THADA: variants seen among roughly 807,000 people sequenced by gnomAD.
The protein encoded by THADA is tRNA (32-2'-O)-methyltransferase regulator THADA.
In THADA, 213 loss-of-function variants were observed where a neutral mutation model predicts 219.8. That is an observed-to-expected ratio of 0.97 (90% CI 0.87 to 1.09). The LOEUF is 1.09. Among genes scored for constraint, THADA ranks in the 50% least tolerant of loss-of-function variants. THADA has a pLI of 0.00. For synonymous variants in THADA, 1,018 were observed against 828.9 expected (o/e 1.23, Z -3.92); for missense variants, 2,956 against 2,311.3 (o/e 1.28, Z -5.72).
chr2:43,587,830 C>A (rs1701172034), intron 4 of THADA, among the ~76,000 whole-genome samples: 1 of 152,104 alleles, frequency 6.6e-6, no homozygotes. Context: ...TAGAAGAGTG[C>A]TGAAACACAG....
intron 26 of THADA, among the ~76,000 whole-genome samples, chr2:43,474,493 T>C (rs957278186): frequency 1.3e-5 from 2 of 152,224 alleles, no homozygotes; most frequent in Admixed American, 6.5e-5. Context: ...ATTTCGACCA[T>C]ATTTTATAAA....
chr2:43,232,984 G>T lies in THADA; in HGVS notation c.5297-102C>A, dbSNP rs1379954959. ...AACAATAAAGGCCTCAGGTAAAATC[G>T]CTGCCACCAGCCTGGCAGGGAAGCT... On this transcript the variant is annotated intron_variant, in intron 36 of 37. Transcript: ENST00000405975. The T allele has an allele frequency of 2.7e-5, 34 of 1,262,670 alleles. No individual in the cohort carries two copies. In the East Asian group the frequency reaches 7.7e-4, roughly 29 times the overall value. 78.2% of individuals were successfully genotyped at this position (1,262,670 alleles called of 1,614,324 possible).
intron 24 of THADA, among the ~76,000 whole-genome samples, chr2:43,504,306 G>A (rs1689384107): frequency 6.6e-6 from 1 of 152,080 alleles, no homozygotes; most frequent in African/African-American, 2.4e-5. Context: ...GCCACTATGT[G>A]CCATATGACT....
intron 31 of THADA, among the ~76,000 whole-genome samples, chr2:43,313,652 T>C (rs1677757975): frequency 6.6e-6 from 1 of 152,022 alleles, no homozygotes; most frequent in South Asian, 2.1e-4. Context: ...CCACACACCC[T>C]CAGGATGGGA....
In THADA at chr2:43,508,768, C is replaced by T; in HGVS notation, c.3387G>A (p.Val1129=). The T allele has an allele frequency of 3.1e-6, 5 of 1,613,274 alleles. No homozygotes were observed. The highest frequency in any genetic ancestry group is 1.6e-4 in the Middle Eastern group (1 of 6,062). ...ACTGTTCTGGCAGCTTTTGCAGACT[C>T]ACATTTGGGCACCTAAAAGGCATAT... ...LTEVLNRCPN[V]SLQKLPEQWL... The change falls in exon 23 of 38, where the codon GTG becomes GTA. Residue 1129 remains valine (V), a synonymous_variant. Transcript: ENST00000405975.
intron 23 of THADA, among the ~76,000 whole-genome samples, chr2:43,506,685 CTG>C (rs941866210): frequency 6.6e-6 from 1 of 152,122 alleles, no homozygotes; most frequent in African/African-American, 2.4e-5. Flanking sequence ...CTGAAAACCA[CTG>C]AATTGTACAC....
rs571618129 is a variant in THADA, at chr2:43,478,192, TAA to T, written c.3836+7040_3836+7041del. On this transcript the variant is annotated intron_variant, in intron 26 of 37. Coordinates refer to ENST00000405975, the MANE Select transcript of THADA (RefSeq NM_022065.5). ...CATAAGGAGTATTCAATGAAAAAAT[TAA>T]GAGTATATTTTATTTAAAAGTTCAA... 3.7e-3 allele frequency among the ~76,000 whole-genome samples: 571 copies of T among 152,272 alleles called. 1 individual carries two copies. Among genetic ancestry groups the T allele is most frequent in the African/African-American group, 0.013 (541 of 41,556 alleles).
At chr2:43,514,612 T>C (rs1326292962) in intron 22 of THADA, among the ~76,000 whole-genome samples, 1 of 91,266 alleles carries the variant, frequency 1.1e-5, no homozygotes, top group Non-Finnish European at 2.0e-5. Flanking sequence ...ATATATATTT[T>C]ATATATTTTA....
Position 43,587,057 on chromosome 2 carries a change from T to G in THADA, c.303-55A>C, listed in dbSNP as rs1290199779. The G allele has an allele frequency of 2.0e-6, 3 of 1,533,062 alleles. No individual in the cohort carries two copies. In the Admixed American group the frequency reaches 5.5e-5, roughly 28 times the overall value. 95.0% of individuals were successfully genotyped at this position (1,533,062 alleles called of 1,614,324 possible). A position where few individuals can be genotyped will look rare whatever the true frequency, so the allele number is the denominator to read the frequency against. The stretch of plus-strand genomic sequence containing the variant: ...GACAATCTAATAGCCCCAGAATATG[T>G]GGAGAGGGAAGAGAATCATACAAAT... On this transcript the variant is annotated intron_variant, in intron 4 of 37. Coordinates refer to ENST00000405975, the MANE Select transcript of THADA (RefSeq NM_022065.5).
At chr2:43,561,218 T>G (rs1698033818) in intron 15 of THADA, among the ~76,000 whole-genome samples, 1 of 152,094 alleles carries the variant, frequency 6.6e-6, no homozygotes. Context: ...TATAACAACA[T>G]GTAGTGCTAA....
intron 23 of THADA, 70 bp from the exon 24 acceptor site, chr2:43,505,805 T>A (rs1689600277): frequency 8.9e-7 from 1 of 1,127,250 alleles, no homozygotes. Context: ...CTTCCCTGGA[T>A]CAATCCCAAA....
rs567165770 is a variant in THADA, at chr2:43,415,357, C to G, written c.4058+12743G>C. 1.9e-4 allele frequency among the ~76,000 whole-genome samples: 29 copies of G among 152,264 alleles called. 1 individual carries two copies. Among genetic ancestry groups the G allele is most frequent in the African/African-American group, 7.0e-4 (29 of 41,552 alleles). On this transcript the variant is annotated intron_variant, in intron 28 of 37. Transcript: ENST00000405975. ...CAATTACCCTAGGGGTAAAGCTGGT[C>G]TGGGTCAGTGACTACAGTGGAGTCA...
In THADA at chr2:43,272,713, C is replaced by G. The variant is rs190481469; in HGVS notation, c.5296+7052G>C. Among the ~76,000 whole-genome samples, 351 of 150,550 alleles carry G rather than the reference C, an allele frequency of 2.3e-3. 1 individual carries two copies. The highest frequency in any genetic ancestry group is 3.9e-3 in the Non-Finnish European group (266 of 67,712). On this transcript the variant is annotated intron_variant, in intron 36 of 37. Transcript: ENST00000405975. ...GATCATGGCTCATTGTAGCCTTGAC[C>G]TTCTGGGCTCAAGTGATCCTCCCAC...
At chr2:43,257,793 A>C (rs144303878) in intron 36 of THADA, among the ~76,000 whole-genome samples, 2 of 152,380 alleles carry the variant, frequency 1.3e-5, no homozygotes, top group East Asian at 3.9e-4. Context: ...CCAACACTCA[A>C]ATATGTAAAC....
At chr2:43,285,761 G>C (rs1433782592) in intron 35 of THADA, among the ~76,000 whole-genome samples, 1 of 152,092 alleles carries the variant, frequency 6.6e-6, no homozygotes, top group Admixed American at 6.6e-5. Flanking sequence ...ATGTTGGTCA[G>C]GCTGGTCTCG....
At chr2:43,550,609 T>G (rs958364644) in intron 19 of THADA, among the ~76,000 whole-genome samples, 14 of 152,160 alleles carry the variant, frequency 9.2e-5, no homozygotes, top group Non-Finnish European at 2.1e-4. Flanking sequence ...AGGAAAAGTC[T>G]GTGGGGCAAA....
intron 29 of THADA, among the ~76,000 whole-genome samples, chr2:43,367,805 T>C (rs1381044316): frequency 6.6e-6 from 1 of 152,164 alleles, no homozygotes; most frequent in Non-Finnish European, 1.5e-5. Context: ...ACCAAAATCC[T>C]AGGCAAAGTT....
intron 16 of THADA, among the ~76,000 whole-genome samples, chr2:43,558,480 C>A (rs1354519878): frequency 6.6e-6 from 1 of 152,116 alleles, no homozygotes; most frequent in Non-Finnish European, 1.5e-5. Flanking sequence ...AATCAGTGGA[C>A]TGGGAAAGGC....
At chr2:43,398,761 C>A (rs966211716) in intron 28 of THADA, among the ~76,000 whole-genome samples, 2 of 152,130 alleles carry the variant, frequency 1.3e-5, no homozygotes, top group Non-Finnish European at 2.9e-5. Context: ...GTTTGAATAA[C>A]GCAGAGGTTC....
Sources: allele counts gnomAD v4.1 joint callset (sites outside exome capture counted in the v4.1 genomes callset), GRCh38; gene constraint gnomAD v4.1.1; transcripts MANE v1.5; gene names NCBI Gene and HGNC (gene_info 2026-07-23, HGNC 2026-07-21).